ACSM3: variants seen among roughly 807,000 people sequenced by gnomAD.
ACSM3 encodes acyl-coenzyme A synthetase ACSM3, mitochondrial.
In ACSM3, 61 loss-of-function variants were observed where a neutral mutation model predicts 74.1. That is an observed-to-expected ratio of 0.82 (90% CI 0.67 to 1.02). ACSM3 has a LOEUF of 1.02. Among genes scored for constraint, ACSM3 ranks in the 50% least tolerant of loss-of-function variants. ACSM3 has a pLI of 0.00. For synonymous variants in ACSM3, 213 were observed against 241.5 expected (o/e 0.88, Z 1.09); for missense variants, 660 against 697.0 (o/e 0.95, Z 0.60).
At chr16:20,707,121 C>G (rs2079730199) in intron 1 of ACSM3, among the ~76,000 whole-genome samples, 1 of 152,090 alleles carries the variant, frequency 6.6e-6, no homozygotes, top group South Asian at 2.1e-4. Context: ...TTCTGCCCAG[C>G]CAGGGAATAG....
intron 1 of ACSM3, chr16:20,734,250 C>T (rs2079849642): frequency 6.6e-6 from 1 of 152,582 alleles, no homozygotes; most frequent in African/African-American, 2.4e-5. Context: ...CTTCCGAGTC[C>T]TTTTGTCTTG....
chr16:20,778,410 T>G (rs768571657), intron 4 of ACSM3, among the ~76,000 whole-genome samples: 3 of 152,198 alleles, frequency 2.0e-5, no homozygotes, highest in Non-Finnish European at 2.9e-5. Context: ...TTCCTAATAT[T>G]GAGTTCTTGC....
intron 1 of ACSM3, among the ~76,000 whole-genome samples, chr16:20,713,458 C>T (rs193227846): frequency 2.4e-4 from 36 of 151,982 alleles, no homozygotes; most frequent in Admixed American, 3.9e-4. Context: ...GTGCATTATA[C>T]GAATACCAAA....
intron 1 of ACSM3, chr16:20,735,667 T>G (rs1285065624): frequency 6.6e-6 from 1 of 152,174 alleles, no homozygotes; most frequent in Non-Finnish European, 1.5e-5. Context: ...GGCAGGCTCC[T>G]AGCAATAGAA....
At chr16:20,788,736 C>T (rs990741473) in intron 9 of ACSM3, among the ~76,000 whole-genome samples, 2 of 152,202 alleles carry the variant, frequency 1.3e-5, no homozygotes, top group Non-Finnish European at 2.9e-5. Context: ...TCCCCAGACA[C>T]AGAAGATTTT....
chr16:20,738,873 A>G, intron 1 of ACSM3: 1 of 1,610,682 alleles, frequency 6.2e-7, no homozygotes, highest in Non-Finnish European at 8.5e-7. Flanking sequence ...TGAGATCGAT[A>G]ATCTTAGCAA....
intron 13 of ACSM3, 185 bp from the exon 14 acceptor site, chr16:20,796,701 A>T (rs1596546444): frequency 1.3e-6 from 2 of 1,481,902 alleles, no homozygotes; most frequent in Non-Finnish European, 1.8e-6. Flanking sequence ...GACTCACAGT[A>T]AATACTTAAT....
chr16:20,741,479 C>CGGGGGGGGGGGGGGGGGGGGG, intron 1 of ACSM3: 2 of 1,329,522 alleles, frequency 1.5e-6, no homozygotes. Context: ...GCCTGGCAGC[C>CGGGGGGGGGGGGGGGGGGGGG]GGCCCGCCCG....
At chr16:20,796,263 C>T in intron 12 of ACSM3, 107 bp from the exon 13 acceptor site, 1 of 1,492,096 alleles carries the variant, frequency 6.7e-7, no homozygotes, top group Non-Finnish European at 8.9e-7. Context: ...TTAAAACACA[C>T]TGGCCCACCC....
chr16:20,797,312 A>G lies in ACSM3; in HGVS notation c.*340A>G. ...GTTGACTAATTCTTCTGATATGTTG[A>G]TATACAAATCAGAACCAATGTTCAA... On this transcript the variant is annotated 3_prime_UTR_variant, in exon 14 of 14. Coordinates refer to ENST00000289416, the MANE Select transcript of ACSM3 (RefSeq NM_005622.4). The G allele has an allele frequency of 9.7e-7, 1 of 1,025,982 alleles. No individual in the cohort carries two copies. The highest frequency in any genetic ancestry group is 4.3e-5 in the South Asian group (1 of 23,088). 63.6% of individuals were successfully genotyped at this position (1,025,982 alleles called of 1,614,324 possible). A position where few individuals can be genotyped will look rare whatever the true frequency, so the allele number is the denominator to read the frequency against.
At chr16:20,774,327 C>T (rs566806823) in intron 2 of ACSM3, among the ~76,000 whole-genome samples, 170 of 151,408 alleles carry the variant, frequency 1.1e-3, no homozygotes, top group Non-Finnish European at 1.8e-3. Context: ...CTGCAACCTC[C>T]GCCTCCCGGG....
intron 1 of ACSM3, chr16:20,681,843 T>C (rs1375732709): frequency 6.4e-6 from 1 of 155,672 alleles, no homozygotes; most frequent in East Asian, 1.9e-4. Context: ...CACTGCCTGT[T>C]TTTCCGTCTG....
chr16:20,774,213 A>C (rs1419240106), intron 2 of ACSM3, among the ~76,000 whole-genome samples: 2 of 109,326 alleles, frequency 1.8e-5, no homozygotes, highest in African/African-American at 6.8e-5. Context: ...TTGAAATATT[A>C]TTTTCCATCT....
Position 20,786,198 on chromosome 16 carries a change from AT to A in ACSM3, c.1224+41del. 6.2e-6 allele frequency: 10 copies of A among 1,604,842 alleles called. No individual in the cohort carries two copies. The Middle Eastern group carries it at 1.2e-3, about 186-fold the overall frequency. On this transcript the variant is annotated intron_variant, in intron 9 of 13. Coordinates refer to ENST00000289416, the MANE Select transcript of ACSM3 (RefSeq NM_005622.4). ...TTCCAGGAGAATGTTTAACAACCCA[AT>A]CTGTACACTACCTACCTACCGCTTA... is the stretch of plus-strand genomic sequence containing the variant.
chr16:20,686,244 A>T (rs1053381072), intron 1 of ACSM3, among the ~76,000 whole-genome samples: 1 of 152,138 alleles, frequency 6.6e-6, no homozygotes, highest in African/African-American at 2.4e-5. Context: ...CTTAGAGGTG[A>T]GGGCAGTAAC....
At chr16:20,740,663 G>T (rs930833301) in intron 1 of ACSM3, among the ~76,000 whole-genome samples, 4 of 152,132 alleles carry the variant, frequency 2.6e-5, no homozygotes, top group Non-Finnish European at 5.9e-5. Context: ...AGGATGAGCC[G>T]TGAATTTAAA....
intron 1 of ACSM3, among the ~76,000 whole-genome samples, chr16:20,700,090 A>G (rs937763549): frequency 5.3e-5 from 8 of 152,174 alleles, no homozygotes; most frequent in African/African-American, 1.9e-4. Flanking sequence ...AGATAGTGAC[A>G]TCGTAAAATG....
At chr16:20,793,659 T>C (rs2080654416) in intron 12 of ACSM3, among the ~76,000 whole-genome samples, 1 of 152,282 alleles carries the variant, frequency 6.6e-6, no homozygotes, top group Middle Eastern at 3.4e-3. Context: ...ATTGGTAGTT[T>C]GTCAAGTTGC....
chr16:20,718,385 G>T, intron 1 of ACSM3: 1 of 955,080 alleles, frequency 1.0e-6, no homozygotes. Flanking sequence ...GTGGAAACAG[G>T]AAGTCAAGAA....
Sources: allele counts gnomAD v4.1 joint callset (sites outside exome capture counted in the v4.1 genomes callset), GRCh38; gene constraint gnomAD v4.1.1; transcripts MANE v1.5; gene names NCBI Gene and HGNC (gene_info 2026-07-23, HGNC 2026-07-21).